Variants in SPRTN observed in about 807,000 individuals in gnomAD.
SPRTN encodes DNA-dependent metalloprotease SPRTN.
A neutral mutation model predicts 31.9 loss-of-function variants in SPRTN; 11 were observed. The ratio of observed to expected loss-of-function variants is 0.34; its 90% CI spans 0.22 to 0.57. The LOEUF (loss-of-function observed/expected upper bound fraction) is 0.57. Among genes scored for constraint, SPRTN ranks in the 20% least tolerant of loss-of-function variants. The pLI, the probability that SPRTN is intolerant of heterozygous loss-of-function variation, is 0.86. For missense variants in SPRTN, 482 were observed against 590.1 expected (o/e 0.82, Z 1.90); for synonymous variants, 185 against 212.1 (o/e 0.87, Z 1.11).
chr1:231,351,658 A>G lies in SPRTN; in HGVS notation c.718+87A>G, dbSNP rs766914306. ...TGTCCTTCAGAGAACTGGTATTAAGATAAACTTAAGGATCGTTTCTGGTGT... is the reference window on the plus strand; with the variant it reads ...TGTCCTTCAGAGAACTGGTATTAAGGTAAACTTAAGGATCGTTTCTGGTGT... On this transcript the variant is annotated intron_variant, in intron 4 of 4. Transcript: ENST00000295050. 9.8e-6 allele frequency: 15 copies of G among 1,535,792 alleles called. No individual in the cohort carries two copies. In the African/African-American group the frequency reaches 1.9e-4, roughly 20 times the overall value.
Position 231,351,384 on chromosome 1 carries a change from A to G in SPRTN, c.531A>G (p.Pro177=), listed in dbSNP as rs760778140. 3.7e-6 allele frequency: 6 copies of G among 1,614,134 alleles called. No homozygotes were observed. The South Asian group carries it at 5.5e-5, about 15-fold the overall frequency. The part of the protein sequence containing the change: ...WRCNGPCQHR[P]PYYGYVKRAT... ...GCAATGGGCCGTGCCAGCACAGGCC[A>G]CCGTATTACGGCTATGTCAAACGAG... The change falls in exon 4 of 5, where the codon CCA becomes CCG. Residue 177 remains proline, a synonymous_variant. Coordinates refer to ENST00000295050, the MANE Select transcript of SPRTN (RefSeq NM_032018.7).
intron 3 of SPRTN, among the ~76,000 whole-genome samples, chr1:231,350,090 G>A (rs1019505858): frequency 7.9e-5 from 12 of 152,162 alleles, no homozygotes; most frequent in Non-Finnish European, 1.8e-4. Context: ...AATAGAGTGC[G>A]TGGTTTCCCG....
At chr1:231,341,013 C>T (rs148580384) in intron 2 of SPRTN, among the ~76,000 whole-genome samples, 253 of 151,978 alleles carry the variant, frequency 1.7e-3, no homozygotes, top group African/African-American at 5.7e-3. Context: ...TTTTTTACCA[C>T]AGTTTGTTTA....
chr1:231,341,802 C>A (rs1026927019), intron 2 of SPRTN, among the ~76,000 whole-genome samples: 1 of 152,200 alleles, frequency 6.6e-6, no homozygotes, highest in Non-Finnish European at 1.5e-5. Context: ...GCCTGACCAA[C>A]ATGGTGAAAC....
intron 4 of SPRTN, chr1:231,351,823 C>A (rs1225205068): frequency 4.5e-6 from 5 of 1,107,980 alleles, no homozygotes; most frequent in Non-Finnish European, 5.5e-6. Context: ...TAACTTTTTT[C>A]AGTTTCTTTT....
At position 231,346,543 on chromosome 1, in the gene SPRTN, C is replaced by T. The variant is rs146310273; in HGVS notation, c.322-1254C>T. ...CATTTTGAAATTGGGTTGTCATTCC[C>T]TGTTGACATTAGGAGCTCCTTGTAT... On this transcript the variant is annotated intron_variant, in intron 2 of 4. Coordinates refer to ENST00000295050, the MANE Select transcript of SPRTN (RefSeq NM_032018.7). Among the ~76,000 whole-genome samples, 1,114 of 152,082 alleles carry T rather than the reference C, an allele frequency of 7.3e-3. 8 individuals carry two copies. Among genetic ancestry groups the T allele is most frequent in the South Asian group, 0.011 (51 of 4,818 alleles).
intron 2 of SPRTN, among the ~76,000 whole-genome samples, chr1:231,342,908 G>C (rs759066725): frequency 1.3e-5 from 2 of 151,422 alleles, no homozygotes; most frequent in Non-Finnish European, 2.9e-5. Context: ...CCAATTTTTT[G>C]TATTTTTTTT....
chr1:231,345,669 G>A (rs1263730916), intron 2 of SPRTN, among the ~76,000 whole-genome samples: 1 of 152,184 alleles, frequency 6.6e-6, no homozygotes, highest in African/African-American at 2.4e-5. Flanking sequence ...TTTGTTAGAT[G>A]CTACCAAATT....
intron 2 of SPRTN, among the ~76,000 whole-genome samples, chr1:231,341,203 TAA>T (rs1686879270): frequency 6.6e-6 from 1 of 151,168 alleles, no homozygotes; most frequent in African/African-American, 2.4e-5. Context: ...ATGCTTACAG[TAA>T]AGACACACTT....
intron 2 of SPRTN, among the ~76,000 whole-genome samples, chr1:231,346,506 A>G (rs1005571322): frequency 2.6e-5 from 4 of 151,698 alleles, no homozygotes; most frequent in East Asian, 1.9e-4. Flanking sequence ...TGTGAACTCC[A>G]TGGTCTTTGC....
At chr1:231,347,717 C>T in intron 2 of SPRTN, 80 bp from the exon 3 acceptor site, 4 of 1,482,004 alleles carry the variant, frequency 2.7e-6, no homozygotes, top group South Asian at 2.8e-5. Flanking sequence ...AAAGGTTAGA[C>T]ACCAGATAGA....
intron 3 of SPRTN, among the ~76,000 whole-genome samples, chr1:231,348,317 T>C (rs973414346): frequency 3.9e-5 from 6 of 152,192 alleles, no homozygotes; most frequent in Non-Finnish European, 5.9e-5. Flanking sequence ...CTGTATAGCA[T>C]TGTAGGAGAT....
At chr1:231,339,747 T>C in intron 1 of SPRTN, 22 bp from the exon 2 acceptor site, 1 of 1,613,538 alleles carries the variant, frequency 6.2e-7, no homozygotes, top group Non-Finnish European at 8.5e-7. Flanking sequence ...TGTAACACAT[T>C]TTTATGGTGA....
chr1:231,352,400 A>T (rs1258510872), intron 4 of SPRTN: 2 of 1,228,604 alleles, frequency 1.6e-6, no homozygotes, highest in Non-Finnish European at 2.0e-6. Flanking sequence ...AATATGAGAG[A>T]ATTTTTTTTT....
intron 2 of SPRTN, among the ~76,000 whole-genome samples, chr1:231,343,639 T>G (rs1475697979): frequency 6.6e-6 from 1 of 152,112 alleles, no homozygotes; most frequent in Non-Finnish European, 1.5e-5. Flanking sequence ...ACCACAGCCA[T>G]GCAAAATGAG....
At position 231,345,476 on chromosome 1, in the gene SPRTN, A is replaced by C. The variant is rs537927993; in HGVS notation, c.322-2321A>C. 3.3e-5 allele frequency among the ~76,000 whole-genome samples: 5 copies of C among 152,230 alleles called. 1 individual carries two copies. Among genetic ancestry groups the C allele is most frequent in the African/African-American group, 1.2e-4 (5 of 41,538 alleles). ...TCTATAGCTTTCTCCAAACCATTTC[A>C]TGTAGATCCTTCTCATTCTTTTTTG... On this transcript the variant is annotated intron_variant, in intron 2 of 4. Coordinates refer to ENST00000295050, the MANE Select transcript of SPRTN (RefSeq NM_032018.7).
intron 3 of SPRTN, among the ~76,000 whole-genome samples, chr1:231,351,055 T>A (rs1687210685): frequency 6.6e-6 from 1 of 152,084 alleles, no homozygotes; most frequent in Admixed American, 6.5e-5. Flanking sequence ...TTTTGTCCTC[T>A]AATCCCATGT....
At chr1:231,348,268 T>TG (rs1383527862) in intron 3 of SPRTN, among the ~76,000 whole-genome samples, 3 of 152,214 alleles carry the variant, frequency 2.0e-5, no homozygotes, top group Admixed American at 2.0e-4. Flanking sequence ...CCATTGCAGA[T>TG]GTCATTCCCT....
Position 231,354,457 on chromosome 1 carries a change from T to C in SPRTN, c.*1096T>C. 1 of 901,468 alleles carries C rather than the reference T, an allele frequency of 1.1e-6. No homozygotes were observed. The highest frequency in any genetic ancestry group is 1.3e-6 in the Non-Finnish European group (1 of 753,212). The allele number at this position is 901,468 out of a possible 1,614,324, so 55.8% of individuals were successfully genotyped here. ...CTTAAGTGCACAGCTGGGTAAACTT[T>C]TACAGTGTTCACCTGTGTAACTACC... On this transcript the variant is annotated 3_prime_UTR_variant, in exon 5 of 5. Coordinates refer to ENST00000295050, the MANE Select transcript of SPRTN (RefSeq NM_032018.7).
Sources: allele counts gnomAD v4.1 joint callset (sites outside exome capture counted in the v4.1 genomes callset), GRCh38; gene constraint gnomAD v4.1.1; transcripts MANE v1.5; gene names NCBI Gene and HGNC (gene_info 2026-07-23, HGNC 2026-07-21).